The following EDIL3 variants were observed in gnomAD, a reference collection of about 807,000 sequenced individuals.
EDIL3 encodes the protein EGF-like repeat and discoidin I-like domain-containing protein 3.
Under a neutral mutation model 67.4 loss-of-function variants are expected in EDIL3, and 37 were observed. That is an observed-to-expected ratio of 0.55 (90% CI 0.42 to 0.72). The LOEUF is 0.72. Among genes scored for constraint, EDIL3 ranks in the 30% least tolerant of loss-of-function variants. EDIL3 has a pLI of 0.00. For synonymous variants in EDIL3, 195 were observed against 196.3 expected (o/e 0.99, Z 0.05); for missense variants, 527 against 586.3 (o/e 0.90, Z 1.04).
intron 6 of EDIL3, among the ~76,000 whole-genome samples, chr5:84,076,398 G>A (rs1286270893): frequency 1.3e-5 from 2 of 152,008 alleles, no homozygotes; most frequent in Non-Finnish European, 2.9e-5. Flanking sequence ...TAGATGCTTT[G>A]TGGAATCTGA....
intron 4 of EDIL3, among the ~76,000 whole-genome samples, chr5:84,139,421 T>A (rs1031563975): frequency 3.5e-4 from 53 of 152,288 alleles, no homozygotes; most frequent in African/African-American, 1.2e-3. Context: ...CTCTCTTTGA[T>A]CTTATCAAAA....
chr5:84,366,012 A>G (rs1458109179), intron 1 of EDIL3, among the ~76,000 whole-genome samples: 1 of 152,174 alleles, frequency 6.6e-6, no homozygotes, highest in Non-Finnish European at 1.5e-5. Flanking sequence ...TCCAATTCCT[A>G]GTCTATCTGA....
intron 3 of EDIL3, among the ~76,000 whole-genome samples, chr5:84,198,947 C>T (rs1386801404): frequency 6.6e-6 from 1 of 152,140 alleles, no homozygotes. Flanking sequence ...TCCTAGCTTG[C>T]TTGATAGGAG....
At chr5:84,192,632 C>T (rs1279377549) in intron 3 of EDIL3, among the ~76,000 whole-genome samples, 1 of 152,000 alleles carries the variant, frequency 6.6e-6, no homozygotes, top group African/African-American at 2.4e-5. Context: ...TTCATTTGTT[C>T]ACTTATTGAT....
intron 6 of EDIL3, among the ~76,000 whole-genome samples, chr5:84,101,973 G>T (rs1212329180): frequency 6.6e-6 from 1 of 152,054 alleles, no homozygotes; most frequent in Non-Finnish European, 1.5e-5. Flanking sequence ...TATCCACCAT[G>T]ATCAAGCAGG....
At chr5:84,087,723 G>T (rs1747097062) in intron 6 of EDIL3, among the ~76,000 whole-genome samples, 1 of 152,100 alleles carries the variant, frequency 6.6e-6, no homozygotes, top group African/African-American at 2.4e-5. Context: ...CTAATTACTA[G>T]CTGCGGCAAG....
chr5:84,227,561 G>A (rs1448369163), intron 3 of EDIL3, among the ~76,000 whole-genome samples: 2 of 152,070 alleles, frequency 1.3e-5, no homozygotes, highest in Non-Finnish European at 2.9e-5. Flanking sequence ...GTAAGATCCA[G>A]CAATCCCATT....
At chr5:84,190,896 C>T (rs1409373041) in intron 3 of EDIL3, among the ~76,000 whole-genome samples, 1 of 151,752 alleles carries the variant, frequency 6.6e-6, no homozygotes, top group Non-Finnish European at 1.5e-5. Context: ...CCCTCATAGT[C>T]CCTAATGAAG....
chr5:84,073,276 A>G (rs1746778409), intron 6 of EDIL3, among the ~76,000 whole-genome samples: 1 of 152,210 alleles, frequency 6.6e-6, no homozygotes, highest in African/African-American at 2.4e-5. Context: ...ATTCCCTTTG[A>G]AAACAGGCAC....
intron 1 of EDIL3, among the ~76,000 whole-genome samples, chr5:84,336,264 A>G (rs1350422340): frequency 6.6e-6 from 1 of 152,200 alleles, no homozygotes; most frequent in East Asian, 1.9e-4. Flanking sequence ...TCAAGTCTAC[A>G]TGTAGTTGAA....
At chr5:83,974,400 A>G (rs1220349915) in intron 9 of EDIL3, among the ~76,000 whole-genome samples, 1 of 151,942 alleles carries the variant, frequency 6.6e-6, no homozygotes, top group Non-Finnish European at 1.5e-5. Flanking sequence ...GAGATGACTC[A>G]GCAGGAACAG....
intron 9 of EDIL3, among the ~76,000 whole-genome samples, chr5:84,032,040 G>C (rs1343230866): frequency 6.6e-6 from 1 of 152,020 alleles, no homozygotes; most frequent in Non-Finnish European, 1.5e-5. Flanking sequence ...AAAGAATTCA[G>C]GTAAGATAGC....
chr5:84,202,770 G>T (rs1017354296), intron 3 of EDIL3, among the ~76,000 whole-genome samples: 5 of 152,274 alleles, frequency 3.3e-5, no homozygotes, highest in African/African-American at 1.2e-4. Context: ...GGGATATAGA[G>T]AAGACAGAGA....
intron 1 of EDIL3, among the ~76,000 whole-genome samples, chr5:84,316,683 C>T (rs1746519695): frequency 6.6e-6 from 1 of 152,110 alleles, no homozygotes; most frequent in Non-Finnish European, 1.5e-5. Flanking sequence ...ACCCCACTGT[C>T]AATATTAGAC....
intron 1 of EDIL3, among the ~76,000 whole-genome samples, chr5:84,332,379 AG>A (rs995727709): frequency 2.6e-5 from 4 of 152,158 alleles, no homozygotes; most frequent in African/African-American, 9.7e-5. Flanking sequence ...CTCCAAAAAA[AG>A]TTGAGGAGGT....
chr5:84,087,932 G>GT (rs1175451347), intron 6 of EDIL3, among the ~76,000 whole-genome samples: 1 of 152,126 alleles, frequency 6.6e-6, no homozygotes, highest in Non-Finnish European at 1.5e-5. Flanking sequence ...TTGGGAATAT[G>GT]TTTTTTCTAA....
intron 6 of EDIL3, among the ~76,000 whole-genome samples, chr5:84,084,769 T>C (rs79922780): frequency 0.02 from 3,052 of 152,218 alleles, 91 homozygotes; most frequent in African/African-American, 0.069. Context: ...AAACAACAAA[T>C]TGAAACACAA....
At chr5:84,170,938 G>A (rs1288609827) in intron 4 of EDIL3, among the ~76,000 whole-genome samples, 2 of 151,982 alleles carry the variant, frequency 1.3e-5, no homozygotes, top group Non-Finnish European at 2.9e-5. Context: ...GGGATTACAG[G>A]TGCCCACTAC....
chr5:84,244,511 A>G (rs1454681106), intron 2 of EDIL3, among the ~76,000 whole-genome samples: 1 of 151,502 alleles, frequency 6.6e-6, no homozygotes, highest in Non-Finnish European at 1.5e-5. Context: ...CTGGTCTTAA[A>G]CCCCTGAACT....
Sources: allele counts gnomAD v4.1 joint callset (sites outside exome capture counted in the v4.1 genomes callset), GRCh38; gene constraint gnomAD v4.1.1; transcripts MANE v1.5; gene names NCBI Gene and HGNC (gene_info 2026-07-23, HGNC 2026-07-21).